The following RBM47 variants were observed in gnomAD, a reference collection of about 807,000 sequenced individuals.
RBM47 encodes the protein RNA binding motif protein 47.
Under a neutral mutation model 47.1 loss-of-function variants are expected in RBM47, and 21 were observed. The ratio of observed to expected loss-of-function variants is 0.45; its 90% CI spans 0.32 to 0.64. The LOEUF (loss-of-function observed/expected upper bound fraction) is 0.64, where lower values mean the gene tolerates loss of function less well. Ranked by LOEUF, RBM47 falls within the 30% of genes least tolerant of loss-of-function variation. The pLI, the probability that RBM47 is intolerant of heterozygous loss-of-function variation, is 0.05. For synonymous variants in RBM47, 375 were observed against 361.7 expected (o/e 1.04, Z -0.42); for missense variants, 708 against 870.9 (o/e 0.81, Z 2.35).
intron 1 of RBM47, among the ~76,000 whole-genome samples, chr4:40,589,761 T>G (rs1733956099): frequency 6.6e-6 from 1 of 152,194 alleles, no homozygotes; most frequent in Non-Finnish European, 1.5e-5. Context: ...TTTAAAAGGG[T>G]GAATTGTACA....
Position 40,578,281 on chromosome 4 carries a change from C to CAAA in RBM47, c.-239-33778_-239-33776dup, listed in dbSNP as rs35026850. The stretch of plus-strand genomic sequence containing the variant: ...CTGTCTCCTGTTGTCCCATTCCTTA[C>CAAA]AAAAAAAGTATCTTTGAAACAATTA... On this transcript the variant is annotated intron_variant, in intron 1 of 6. Coordinates refer to ENST00000295971, the MANE Select transcript of RBM47 (RefSeq NM_001098634.2). Among the ~76,000 whole-genome samples, 1,444 of 152,074 alleles carry CAAA rather than the reference C, an allele frequency of 9.5e-3. 20 individuals carry two copies. The highest frequency in any genetic ancestry group is 0.028 in the African/African-American group (1,175 of 41,448).
intron 1 of RBM47, among the ~76,000 whole-genome samples, chr4:40,596,400 T>C (rs760782535): frequency 6.6e-6 from 1 of 152,164 alleles, no homozygotes; most frequent in East Asian, 1.9e-4. Context: ...TGTACCTATA[T>C]ATTGCTCTTT....
intron 1 of RBM47, among the ~76,000 whole-genome samples, chr4:40,583,164 C>T (rs761864984): frequency 1.3e-5 from 2 of 152,014 alleles, no homozygotes; most frequent in Admixed American, 6.6e-5. Flanking sequence ...CAGTGGCTCA[C>T]GCCTGTAATT....
intron 2 of RBM47, among the ~76,000 whole-genome samples, chr4:40,524,983 TA>T (rs1446459476): frequency 2.0e-5 from 3 of 152,218 alleles, no homozygotes; most frequent in Non-Finnish European, 4.4e-5. Context: ...TCAGGCTTGA[TA>T]GTAAACAAAA....
In RBM47 at chr4:40,628,312, C is replaced by T. The variant is rs373205633; in HGVS notation, c.-240+1084G>A. Among the ~76,000 whole-genome samples, 8 of 152,338 alleles carry T rather than the reference C, an allele frequency of 5.3e-5. No individual in the cohort carries two copies. The East Asian group carries it at 9.6e-4, about 18-fold the overall frequency. The stretch of plus-strand genomic sequence containing the variant: ...TTTAGTTCCCTCCAAGACTTCAAGT[C>T]ATTGATCTAACAAAGATCATTGTTT... On this transcript the variant is annotated intron_variant, in intron 1 of 6. Transcript: ENST00000295971. This position sits in a 1 kb window ranked among gnomAD's most constrained non-coding sequence, Gnocchi z 4.0.
intron 2 of RBM47, among the ~76,000 whole-genome samples, chr4:40,538,634 TTTTG>T (rs201847355): frequency 3.2e-4 from 47 of 148,644 alleles, no homozygotes; most frequent in Non-Finnish European, 4.5e-4. Flanking sequence ...CTTTTTTGTT[TTTTG>T]TTTGTTTGTT....
At chr4:40,620,316 G>A (rs1435610959) in intron 1 of RBM47, among the ~76,000 whole-genome samples, 1 of 151,820 alleles carries the variant, frequency 6.6e-6, no homozygotes, top group Non-Finnish European at 1.5e-5. Flanking sequence ...GACCAGCCTG[G>A]CCAACATGGT....
chr4:40,465,571 C>T (rs1399806952), intron 3 of RBM47, among the ~76,000 whole-genome samples: 1 of 152,000 alleles, frequency 6.6e-6, no homozygotes, highest in Non-Finnish European at 1.5e-5. Context: ...CCCACCTACT[C>T]GGGAGGCTGA....
At chr4:40,558,850 C>T (rs1249952918) in intron 1 of RBM47, among the ~76,000 whole-genome samples, 3 of 150,602 alleles carry the variant, frequency 2.0e-5, no homozygotes, top group Non-Finnish European at 3.0e-5. Context: ...AAAAATTAGC[C>T]GGGCGTGGTG....
Position 40,430,197 on chromosome 4 carries a change from A to AAAACAAAC in RBM47, c.1542+2446_1542+2453dup, listed in dbSNP as rs145107424. 3.3e-3 allele frequency among the ~76,000 whole-genome samples: 491 copies of AAAACAAAC among 150,230 alleles called. 1 individual carries two copies. The highest frequency in any genetic ancestry group is 8.7e-3 in the African/African-American group (354 of 40,774). ...GCGACAGAGCGAGACACCGTCGCAA[A>AAAACAAAC]AAACAAACAAACAAACAAACAAACA... On this transcript the variant is annotated intron_variant, in intron 6 of 6. Transcript: ENST00000295971.
intron 1 of RBM47, among the ~76,000 whole-genome samples, chr4:40,623,522 T>C (rs1440819996): frequency 6.6e-6 from 1 of 151,836 alleles, no homozygotes; most frequent in African/African-American, 2.4e-5. Flanking sequence ...TTTTTAGAGG[T>C]GAGATCTCAC....
intron 2 of RBM47, among the ~76,000 whole-genome samples, chr4:40,533,875 G>A (rs2154260075): frequency 6.6e-6 from 1 of 151,462 alleles, no homozygotes; most frequent in South Asian, 2.1e-4. Flanking sequence ...GAGTGCAATG[G>A]TGTGATCTCA....
At chr4:40,563,079 T>C (rs1730783492) in intron 1 of RBM47, among the ~76,000 whole-genome samples, 1 of 152,162 alleles carries the variant, frequency 6.6e-6, no homozygotes, top group South Asian at 2.1e-4. Context: ...CAATCCCAGC[T>C]ACTCAGGAGG....
At chr4:40,466,965 G>C (rs1718146625) in intron 2 of RBM47, among the ~76,000 whole-genome samples, 1 of 152,124 alleles carries the variant, frequency 6.6e-6, no homozygotes, top group Non-Finnish European at 1.5e-5. Flanking sequence ...TCTTCCATTT[G>C]TGTTTGTCTC....
intron 1 of RBM47, among the ~76,000 whole-genome samples, chr4:40,612,257 T>G (rs139961370): frequency 6.6e-6 from 1 of 152,186 alleles, no homozygotes; most frequent in East Asian, 1.9e-4. Context: ...GATGGCCGGG[T>G]GCAGTGGCTC....
intron 3 of RBM47, among the ~76,000 whole-genome samples, chr4:40,448,145 G>A (rs1383909442): frequency 9.2e-5 from 14 of 151,678 alleles, no homozygotes; most frequent in African/African-American, 3.4e-4. Flanking sequence ...GCAGTGAGCC[G>A]AGACTGCGCC....
intron 3 of RBM47, among the ~76,000 whole-genome samples, chr4:40,457,750 T>G (rs1395491307): frequency 6.6e-6 from 1 of 152,198 alleles, no homozygotes; most frequent in Non-Finnish European, 1.5e-5. Context: ...TATTTTTCAT[T>G]CGTTAAACTT....
intron 1 of RBM47, among the ~76,000 whole-genome samples, chr4:40,580,379 A>G (rs1732767796): frequency 6.6e-6 from 1 of 152,118 alleles, no homozygotes; most frequent in Non-Finnish European, 1.5e-5. Context: ...TTGGAACCTA[A>G]AAACTCTCTT....
chr4:40,475,433 C>G (rs1719462908), intron 2 of RBM47, among the ~76,000 whole-genome samples: 1 of 152,100 alleles, frequency 6.6e-6, no homozygotes, highest in Admixed American at 6.5e-5. Flanking sequence ...CTAGATTTTT[C>G]AAGCATATAA....
Sources: gnomAD v4.1 joint callset for allele counts (sites outside exome capture counted in the v4.1 genomes callset) on GRCh38, gnomAD v4.1.1 for gene constraint, Gnocchi (gnomAD v3.1) non-coding constraint, MANE v1.5 for transcripts, NCBI Gene and HGNC (gene_info 2026-07-23, HGNC 2026-07-21) for gene names.